HMCN1: variants seen among roughly 807,000 people sequenced by gnomAD.
HMCN1 encodes the protein hemicentin-1.
In HMCN1, 321 loss-of-function variants were observed where a neutral mutation model predicts 625.9. That is an observed-to-expected ratio of 0.51 (90% CI 0.47 to 0.56). The LOEUF (loss-of-function observed/expected upper bound fraction) is 0.56, where lower values mean the gene tolerates loss of function less well. HMCN1 is among the 20% of genes least tolerant of loss of function. The pLI, the probability that HMCN1 is intolerant of heterozygous loss-of-function variation, is 0.00. For synonymous variants in HMCN1, 2,425 were observed against 2,417.6 expected, an observed-to-expected ratio of 1.00 and a Z score of -0.09; for missense variants, 6,588 against 6,887.3, an observed-to-expected ratio of 0.96 and a Z score of 1.54.
chr1:186,124,856 G>A (rs1183821775), intron 81 of HMCN1, among the ~76,000 whole-genome samples: 2 of 151,882 alleles, frequency 1.3e-5, no homozygotes, highest in Middle Eastern at 3.4e-3. Flanking sequence ...CTTTTGAACC[G>A]AGAATTCTTA....
chr1:185,913,700 C>G (rs1479152851), intron 6 of HMCN1, among the ~76,000 whole-genome samples: 1 of 152,108 alleles, frequency 6.6e-6, no homozygotes, highest in Non-Finnish European at 1.5e-5. Flanking sequence ...GGTATTTCCT[C>G]TAGTAAAACT....
intron 1 of HMCN1, among the ~76,000 whole-genome samples, chr1:185,820,167 A>G (rs1194086162): frequency 6.6e-6 from 1 of 152,192 alleles, no homozygotes; most frequent in African/African-American, 2.4e-5. Flanking sequence ...AAAATGATAT[A>G]TGCCCAGTAA....
At chr1:185,905,167 A>C (rs73062122) in intron 4 of HMCN1, among the ~76,000 whole-genome samples, 10,813 of 151,880 alleles carry the variant, frequency 0.071, 1,348 homozygotes, top group African/African-American at 0.25. Flanking sequence ...CATGGACAAA[A>C]TACTGCCTTT....
chr1:185,786,952 CCTTA>C (rs1377778338), intron 1 of HMCN1, among the ~76,000 whole-genome samples: 1 of 152,070 alleles, frequency 6.6e-6, no homozygotes, highest in African/African-American at 2.4e-5. Flanking sequence ...TGCTTTTTTG[CCTTA>C]CTTCTGTTAA....
At chr1:186,065,142 A>G (rs1046179941) in intron 48 of HMCN1, 96 bp from the exon 49 acceptor site, 13 of 883,066 alleles carry the variant, frequency 1.5e-5, no homozygotes, top group Non-Finnish European at 2.4e-5. Context: ...GACATGGGAT[A>G]TGTAGGAAGA....
chr1:186,190,597 A>G lies in HMCN1; in HGVS notation c.*719A>G. The G allele has an allele frequency of 5.1e-6, 1 of 196,810 alleles. No individual in the cohort carries two copies. Among genetic ancestry groups the G allele is most frequent in the East Asian group, 8.0e-5 (1 of 12,536 alleles). 12.2% of individuals were successfully genotyped at this position (196,810 alleles called of 1,614,324 possible). A position where few individuals can be genotyped will look rare whatever the true frequency, so the allele number is the denominator to read the frequency against. ...TTGTACATGGCATGGAACTTTAAAA[A>G]TTTTAATATAAACTTTCATCCAGTT... On this transcript the variant is annotated 3_prime_UTR_variant, in exon 107 of 107. Coordinates refer to ENST00000271588, the MANE Select transcript of HMCN1 (RefSeq NM_031935.3).
intron 2 of HMCN1, among the ~76,000 whole-genome samples, chr1:185,859,400 T>A (rs1332614237): frequency 6.6e-6 from 1 of 152,170 alleles, no homozygotes; most frequent in East Asian, 1.9e-4. Context: ...GAACTATGTA[T>A]GTAATTTCAA....
At chr1:185,766,244 G>A (rs1291987005) in intron 1 of HMCN1, among the ~76,000 whole-genome samples, 1 of 152,052 alleles carries the variant, frequency 6.6e-6, no homozygotes, top group Non-Finnish European at 1.5e-5. Flanking sequence ...AAAAGCATGA[G>A]AATGCTGAAA....
chr1:185,969,852 C>G (rs1471485324), intron 14 of HMCN1, among the ~76,000 whole-genome samples: 1 of 152,124 alleles, frequency 6.6e-6, no homozygotes, highest in African/African-American at 2.4e-5. Context: ...TAAGGAAAAG[C>G]CTAACCTAAA....
At chr1:185,820,041 G>A (rs997971685) in intron 1 of HMCN1, among the ~76,000 whole-genome samples, 1 of 152,100 alleles carries the variant, frequency 6.6e-6, no homozygotes, top group African/African-American at 2.4e-5. Flanking sequence ...ATGATAAGGG[G>A]GCAAAAGGTT....
At chr1:185,930,688 A>G (rs1403417010) in intron 10 of HMCN1, among the ~76,000 whole-genome samples, 1 of 152,100 alleles carries the variant, frequency 6.6e-6, no homozygotes, top group Non-Finnish European at 1.5e-5. Context: ...TTCAATTGAA[A>G]TGTTGGTTAT....
intron 1 of HMCN1, among the ~76,000 whole-genome samples, chr1:185,839,553 A>G (rs1206497191): frequency 6.6e-6 from 1 of 152,212 alleles, no homozygotes; most frequent in Non-Finnish European, 1.5e-5. Context: ...TGTAAAGCTG[A>G]GAGTCTGAAC....
intron 10 of HMCN1, among the ~76,000 whole-genome samples, chr1:185,930,874 A>G (rs1667508770): frequency 6.6e-6 from 1 of 151,018 alleles, no homozygotes; most frequent in African/African-American, 2.4e-5. Flanking sequence ...ATCTGTACTG[A>G]ATTGTTTTAC....
intron 1 of HMCN1, among the ~76,000 whole-genome samples, chr1:185,812,530 C>T (rs150886482): frequency 7.6e-4 from 115 of 152,198 alleles, no homozygotes; most frequent in Non-Finnish European, 1.3e-3. Flanking sequence ...TATTTGGGAT[C>T]TGAGAAGTGA....
Position 186,190,433 on chromosome 1 carries a change from A to G in HMCN1, c.*555A>G. On this transcript the variant is annotated 3_prime_UTR_variant, in exon 107 of 107. Coordinates refer to ENST00000271588, the MANE Select transcript of HMCN1 (RefSeq NM_031935.3). ...TTTTATAAAATATAGTACAGCTACT[A>G]TAAGGCTTGTTTGATCCCAAATGGT... The G allele has an allele frequency of 5.1e-6, 1 of 197,644 alleles. No individual in the cohort carries two copies. The highest frequency in any genetic ancestry group is 1.0e-5 in the Non-Finnish European group (1 of 95,460). The allele number at this position is 197,644 out of a possible 1,614,324, so 12.2% of individuals were successfully genotyped here.
chr1:186,114,925 C>T lies in HMCN1; in HGVS notation c.11383C>T (p.Arg3795Ter), dbSNP rs150673369. 4 of 1,614,070 alleles carry T rather than the reference C, an allele frequency of 2.5e-6. No homozygotes were observed. The highest frequency in any genetic ancestry group is 2.2e-5 in the East Asian group (1 of 44,870). The change falls in exon 74 of 107, where the codon CGA becomes TGA. Residue 3795 changes from arginine (R) to a stop codon, truncating the protein, a stop_gained. Transcript: ENST00000271588. LOFTEE classifies it high-confidence loss of function. Reference protein sequence around the residue: ...ATNAAGTDRRRIDLQVHVPPS... With the variant: ...ATNAAGTDRR Reference sequence around the variant, plus strand: ...CAATGCTGCTGGAACAGATCGCAGGCGAATAGATTTACAGGTCCATGGTAA... The same window carrying T: ...CAATGCTGCTGGAACAGATCGCAGGTGAATAGATTTACAGGTCCATGGTAA...
chr1:186,067,706 TA>T, intron 49 of HMCN1, 127 bp from the exon 50 acceptor site: 1 of 642,180 alleles, frequency 1.6e-6, no homozygotes, highest in Non-Finnish European at 2.7e-6. Flanking sequence ...ATAATAATAA[TA>T]ATAATAATTT....
intron 45 of HMCN1, 114 bp from the exon 46 acceptor site, chr1:186,057,120 C>G: frequency 1.2e-6 from 1 of 856,008 alleles, no homozygotes; most frequent in Non-Finnish European, 1.9e-6. Context: ...AAATGGAAGT[C>G]TTATTAACAT....
At chr1:185,994,742 A>G (rs1652666220) in intron 23 of HMCN1, 73 bp from the exon 24 acceptor site, 1 of 1,416,636 alleles carries the variant, frequency 7.1e-7, no homozygotes, top group Non-Finnish European at 1.0e-6. Context: ...GTTGATAAGG[A>G]GCTCTCGTTT....
Sources: allele counts gnomAD v4.1 joint callset (sites outside exome capture counted in the v4.1 genomes callset), GRCh38; gene constraint gnomAD v4.1.1; transcripts MANE v1.5; gene names NCBI Gene and HGNC (gene_info 2026-07-23, HGNC 2026-07-21).